The following DNM3 variants were observed in gnomAD, a reference collection of about 807,000 sequenced individuals.
DNM3 encodes the protein dynamin 3, also known as dynamin-3.
Under a neutral mutation model 101.6 loss-of-function variants are expected in DNM3, and 47 were observed. The observed-to-expected ratio is 0.46, with a 90% CI of 0.37 to 0.59. DNM3 has a LOEUF of 0.59. DNM3 is among the 20% of genes least tolerant of loss of function. DNM3 has a pLI of 0.00. For missense variants in DNM3, 849 were observed against 1,085.7 expected (o/e 0.78, Z 3.06); for synonymous variants, 385 against 387.9 (o/e 0.99, Z 0.09).
intron 1 of DNM3, among the ~76,000 whole-genome samples, chr1:171,869,368 G>T (rs2035065554): frequency 6.6e-6 from 1 of 152,138 alleles, no homozygotes; most frequent in Non-Finnish European, 1.5e-5. Flanking sequence ...GATCTTGGAA[G>T]AGTTCAAATT....
intron 17 of DNM3, among the ~76,000 whole-genome samples, chr1:172,335,254 C>T (rs2066368237): frequency 6.6e-6 from 1 of 151,960 alleles, no homozygotes; most frequent in African/African-American, 2.4e-5. Flanking sequence ...TTTGCTCAGC[C>T]CATTTAGAGG....
intron 14 of DNM3, among the ~76,000 whole-genome samples, chr1:172,209,670 C>G (rs1038440309): frequency 6.6e-6 from 1 of 151,990 alleles, no homozygotes; most frequent in Non-Finnish European, 1.5e-5. Flanking sequence ...CCATGCTGAT[C>G]CACAACTGCA....
intron 4 of DNM3, among the ~76,000 whole-genome samples, chr1:172,000,648 A>G (rs893008708): frequency 6.6e-6 from 1 of 152,072 alleles, no homozygotes; most frequent in Admixed American, 6.6e-5. Flanking sequence ...CAATCTTTGT[A>G]TCAAAACTAG....
At chr1:172,400,345 A>C (rs1191753763) in intron 20 of DNM3, among the ~76,000 whole-genome samples, 1 of 152,050 alleles carries the variant, frequency 6.6e-6, no homozygotes, top group Non-Finnish European at 1.5e-5. Context: ...TTTCTACAGC[A>C]CATAAGTTTC....
chr1:171,888,155 A>G (rs1463069182), intron 1 of DNM3, among the ~76,000 whole-genome samples: 2 of 151,928 alleles, frequency 1.3e-5, no homozygotes, highest in Non-Finnish European at 2.9e-5. Context: ...GGAGTTAAGT[A>G]ACAGAAATTT....
At chr1:172,376,832 C>T (rs947877502) in intron 17 of DNM3, among the ~76,000 whole-genome samples, 6 of 152,020 alleles carry the variant, frequency 3.9e-5, no homozygotes, top group African/African-American at 1.4e-4. Flanking sequence ...AAGAATTAAA[C>T]CAGAGTTCTC....
chr1:172,250,420 A>G (rs150947200), intron 14 of DNM3, among the ~76,000 whole-genome samples: 1 of 152,302 alleles, frequency 6.6e-6, no homozygotes, highest in African/African-American at 2.4e-5. Flanking sequence ...TCTTCACATT[A>G]AAGAGGTTAG....
At chr1:171,917,292 T>C (rs1258636314) in intron 1 of DNM3, among the ~76,000 whole-genome samples, 2 of 152,228 alleles carry the variant, frequency 1.3e-5, no homozygotes, top group Non-Finnish European at 2.9e-5. Flanking sequence ...GGGGGAATTT[T>C]TTTTAGTTTT....
chr1:172,399,621 G>C (rs960137259), intron 20 of DNM3, among the ~76,000 whole-genome samples: 4 of 152,046 alleles, frequency 2.6e-5, no homozygotes, highest in Non-Finnish European at 5.9e-5. Flanking sequence ...AAAGCACAAT[G>C]CCTCTCTGTT....
intron 14 of DNM3, among the ~76,000 whole-genome samples, chr1:172,211,660 T>C (rs1282358018): frequency 2.6e-5 from 4 of 152,122 alleles, no homozygotes; most frequent in African/African-American, 9.7e-5. Flanking sequence ...ATACATAATG[T>C]CTAGTTTAAA....
intron 16 of DNM3, among the ~76,000 whole-genome samples, chr1:172,317,818 G>A (rs2065467328): frequency 6.6e-6 from 1 of 152,024 alleles, no homozygotes; most frequent in Non-Finnish European, 1.5e-5. Context: ...GTACAAGGAG[G>A]AACTGGTAGC....
chr1:172,216,877 G>A (rs1174118067), intron 14 of DNM3, among the ~76,000 whole-genome samples: 2 of 151,972 alleles, frequency 1.3e-5, no homozygotes, highest in African/African-American at 4.8e-5. Flanking sequence ...TTCCCACCTA[G>A]AGATTTTCCC....
At chr1:171,849,641 G>A (rs568145094) in intron 1 of DNM3, among the ~76,000 whole-genome samples, 1 of 152,184 alleles carries the variant, frequency 6.6e-6, no homozygotes, top group African/African-American at 2.4e-5. Context: ...TTCGTTAAAT[G>A]CATTATCACA....
intron 13 of DNM3, among the ~76,000 whole-genome samples, chr1:172,123,606 T>C (rs915129582): frequency 6.6e-6 from 1 of 152,172 alleles, no homozygotes; most frequent in African/African-American, 2.4e-5. Flanking sequence ...ACACCCTCTG[T>C]GGGCAGGCGA....
At chr1:172,308,544 AT>A (rs1282041026) in intron 15 of DNM3, among the ~76,000 whole-genome samples, 183 bp from the exon 16 acceptor site, 1 of 151,798 alleles carries the variant, frequency 6.6e-6, no homozygotes, top group Non-Finnish European at 1.5e-5. Flanking sequence ...AAAAAATTAT[AT>A]TGTAAATACA....
At chr1:172,235,719 A>G (rs540161354) in intron 14 of DNM3, among the ~76,000 whole-genome samples, 68 of 152,252 alleles carry the variant, frequency 4.5e-4, no homozygotes, top group African/African-American at 1.6e-3. Context: ...GCTGGAAACC[A>G]TCATTCTCAG....
intron 2 of DNM3, among the ~76,000 whole-genome samples, chr1:171,963,264 A>G (rs2043337082): frequency 6.6e-6 from 1 of 152,192 alleles, no homozygotes; most frequent in East Asian, 1.9e-4. Flanking sequence ...TTACTAGTGA[A>G]AGGTATCAAT....
chr1:171,949,339 A>C (rs1571780771), intron 2 of DNM3, among the ~76,000 whole-genome samples: 1 of 152,210 alleles, frequency 6.6e-6, no homozygotes, highest in East Asian at 1.9e-4. Flanking sequence ...AAGGGGTAGC[A>C]AATAAACACA....
intron 14 of DNM3, among the ~76,000 whole-genome samples, chr1:172,186,667 C>A (rs765996188): frequency 3.4e-4 from 51 of 152,130 alleles, no homozygotes; most frequent in Non-Finnish European, 5.9e-4. Context: ...TGGTCAGCCC[C>A]CTCTCACTGA....
Sources: allele counts gnomAD v4.1 joint callset (sites outside exome capture counted in the v4.1 genomes callset), GRCh38; gene constraint gnomAD v4.1.1; transcripts MANE v1.5; gene names NCBI Gene and HGNC (gene_info 2026-07-23, HGNC 2026-07-21).